The following MYCT1 variants were observed in gnomAD, a reference collection of about 807,000 sequenced individuals.
MYCT1 encodes the protein myc target protein 1.
A neutral mutation model predicts 15.0 loss-of-function variants in MYCT1; 12 were observed. That is an observed-to-expected ratio of 0.80 (90% CI 0.51 to 1.29). MYCT1 has a LOEUF of 1.29. Among genes scored for constraint, MYCT1 ranks in the 50% most tolerant of loss-of-function variants. The probability of loss-of-function intolerance (pLI) is 0.00; values close to 1 mark genes in which losing one functional copy is unlikely to be tolerated. For synonymous variants in MYCT1, 104 were observed against 102.7 expected (o/e 1.01, Z -0.07); for missense variants, 287 against 279.1 (o/e 1.03, Z -0.20).
At chr6:152,719,093 T>C (rs1279168238) in intron 1 of MYCT1, among the ~76,000 whole-genome samples, 1 of 152,178 alleles carries the variant, frequency 6.6e-6, no homozygotes, top group Non-Finnish European at 1.5e-5. Context: ...AATGAGGAAT[T>C]TATGTCCAAC....
chr6:152,714,780 A>T (rs1328707753), intron 1 of MYCT1, among the ~76,000 whole-genome samples: 2 of 151,306 alleles, frequency 1.3e-5, no homozygotes, highest in Non-Finnish European at 2.9e-5. Flanking sequence ...CTTGTAATTT[A>T]TTATTTATAA....
intron 1 of MYCT1, among the ~76,000 whole-genome samples, chr6:152,716,117 C>A (rs1040299930): frequency 6.6e-6 from 1 of 152,104 alleles, no homozygotes; most frequent in African/African-American, 2.4e-5. Flanking sequence ...GGAATGTGGC[C>A]ACTTGGATCA....
intron 1 of MYCT1, among the ~76,000 whole-genome samples, chr6:152,717,802 G>A (rs1053268613): frequency 3.3e-5 from 5 of 151,996 alleles, no homozygotes; most frequent in East Asian, 1.9e-4. Context: ...TTAAGAAGTC[G>A]TTTTCATGAT....
At chr6:152,706,980 A>G (rs1383991560) in intron 1 of MYCT1, among the ~76,000 whole-genome samples, 1 of 152,106 alleles carries the variant, frequency 6.6e-6, no homozygotes, top group East Asian at 1.9e-4. Context: ...ATGGAAGTGC[A>G]GATATCTCTT....
chr6:152,742,890 T>C, the MYCT1 span, among the ~76,000 whole-genome samples: 1 of 152,216 alleles, frequency 6.6e-6, no homozygotes, highest in Non-Finnish European at 1.5e-5. Context: ...TGCAAAAGTG[T>C]TTCTCATTTC....
At chr6:152,744,978 T>C in the MYCT1 span, among the ~76,000 whole-genome samples, 1 of 152,010 alleles carries the variant, frequency 6.6e-6, no homozygotes, top group African/African-American at 2.4e-5. Flanking sequence ...TGAAGAAGCC[T>C]AAGGTGAGGA....
At position 152,721,946 on chromosome 6, in the gene MYCT1, G is replaced by A. The variant is rs776907574; in HGVS notation, c.401G>A (p.Arg134Gln). The A allele has an allele frequency of 6.8e-6, 11 of 1,613,978 alleles. No homozygotes were observed. Among genetic ancestry groups the A allele is most frequent in the South Asian group, 1.1e-5 (1 of 91,084 alleles). Residue 134 changes from arginine to glutamine, a missense_variant, in exon 2 of 2, where the codon CGA becomes CAA. By Grantham distance (43) the Arg-to-Gln change is conservative. Transcript: ENST00000367245. ...TACCGCCACAGTGGCTGTGAACGTCGAAGCAACCTCAGCCTGGCCAGTCTC... is the reference window on the plus strand; with the variant it reads ...TACCGCCACAGTGGCTGTGAACGTCAAAGCAACCTCAGCCTGGCCAGTCTC... ...GFYRHSGCER[R>Q]SNLSLASLTF...
chr6:152,743,965 G>T, the MYCT1 span, among the ~76,000 whole-genome samples: 1 of 152,214 alleles, frequency 6.6e-6, no homozygotes, highest in African/African-American at 2.4e-5. Context: ...TCCTTGACAG[G>T]GAGAGTTTCT....
chr6:152,728,380 T>C (rs143975154), downstream of MYCT1, among the ~76,000 whole-genome samples: 1 of 152,236 alleles, frequency 6.6e-6, no homozygotes, highest in Non-Finnish European at 1.5e-5. Flanking sequence ...TAGCCTAAGG[T>C]ATTTGTTCAA....
rs2099725164 is a variant in MYCT1, at chr6:152,723,944, C to T, written c.*1691C>T. On this transcript the variant is annotated 3_prime_UTR_variant, in exon 2 of 2. Coordinates refer to ENST00000367245, the MANE Select transcript of MYCT1 (RefSeq NM_025107.3). Reference sequence around the variant, plus strand: ...GTGGTCACAGCTAATAGTGTCTGAACATGGTTCAAGAATAAGAGATTCCAT... The same window carrying T: ...GTGGTCACAGCTAATAGTGTCTGAATATGGTTCAAGAATAAGAGATTCCAT... 1 of 152,004 alleles carries T rather than the reference C, an allele frequency of 6.6e-6. No homozygotes were observed. Among genetic ancestry groups the T allele is most frequent in the Admixed American group, 6.6e-5 (1 of 15,258 alleles). The allele number at this position is 152,004 out of a possible 1,614,324, so 9.4% of individuals were successfully genotyped here.
chr6:152,714,787 A>G (rs576824329), intron 1 of MYCT1, among the ~76,000 whole-genome samples: 5 of 151,482 alleles, frequency 3.3e-5, no homozygotes, highest in African/African-American at 9.7e-5. Context: ...TTTATTATTT[A>G]TAACACATAT....
intron 1 of MYCT1, among the ~76,000 whole-genome samples, chr6:152,712,893 TTATA>T (rs148937130): frequency 0.073 from 11,043 of 152,006 alleles, 645 homozygotes; most frequent in East Asian, 0.17. Flanking sequence ...GCATAGTTCT[TTATA>T]TATATTCTGC....
the MYCT1 span, among the ~76,000 whole-genome samples, chr6:152,738,286 A>G: frequency 6.6e-6 from 1 of 152,162 alleles, no homozygotes; most frequent in Non-Finnish European, 1.5e-5. Context: ...TCTATTATAG[A>G]CATATGTTTA....
chr6:152,718,508 A>G (rs2099724139), intron 1 of MYCT1, among the ~76,000 whole-genome samples: 2 of 152,114 alleles, frequency 1.3e-5, no homozygotes, highest in Admixed American at 1.3e-4. Context: ...GGCCTCGCAA[A>G]GTGCTGGGAT....
intron 1 of MYCT1, among the ~76,000 whole-genome samples, chr6:152,704,422 A>G (rs2099721905): frequency 6.6e-6 from 1 of 152,168 alleles, no homozygotes; most frequent in South Asian, 2.1e-4. Flanking sequence ...GTAAGTCTTG[A>G]AGTTACGTAA....
chr6:152,706,847 ATGTGTGTGTGTGTG>A (rs4034690), intron 1 of MYCT1, among the ~76,000 whole-genome samples: 1 of 148,194 alleles, frequency 6.7e-6, no homozygotes, highest in Non-Finnish European at 1.5e-5. Context: ...GAAACCATAT[ATGTGTGTGTGTGTG>A]TGTGTGTGTG....
At chr6:152,741,420 T>C in the MYCT1 span, among the ~76,000 whole-genome samples, 3 of 152,192 alleles carry the variant, frequency 2.0e-5, no homozygotes, top group African/African-American at 7.2e-5. Flanking sequence ...TTTCCACTTT[T>C]CCACCTTGAA....
intron 1 of MYCT1, among the ~76,000 whole-genome samples, chr6:152,699,179 T>A (rs1411806131): frequency 6.6e-6 from 1 of 152,166 alleles, no homozygotes; most frequent in East Asian, 1.9e-4. Flanking sequence ...TTCCCAGCAA[T>A]CTATATGTCT....
intron 1 of MYCT1, among the ~76,000 whole-genome samples, chr6:152,717,539 A>G (rs1309730688): frequency 6.6e-6 from 1 of 152,078 alleles, no homozygotes; most frequent in African/African-American, 2.4e-5. Flanking sequence ...AGTAAGTCTC[A>G]CGAGATCTGA....
Sources: allele counts gnomAD v4.1 joint callset (sites outside exome capture counted in the v4.1 genomes callset), GRCh38; gene constraint gnomAD v4.1.1; transcripts MANE v1.5; gene names NCBI Gene and HGNC (gene_info 2026-07-23, HGNC 2026-07-21).